PRUNE2: variants seen among roughly 807,000 people sequenced by gnomAD.
The protein encoded by PRUNE2 is prune homolog 2 with BCH domain, also known as protein prune homolog 2.
Under a neutral mutation model 252.0 loss-of-function variants are expected in PRUNE2, and 164 were observed. The observed-to-expected ratio is 0.65, with a 90% CI of 0.57 to 0.74. The LOEUF is 0.74. PRUNE2 is among the 30% of genes least tolerant of loss of function. PRUNE2 has a pLI of 0.00. For synonymous variants in PRUNE2, 1,292 were observed against 1,350.2 expected (o/e 0.96, Z 0.94); for missense variants, 3,495 against 3,711.0 (o/e 0.94, Z 1.51).
chr9:76,790,402 T>C (rs994725420), intron 6 of PRUNE2, among the ~76,000 whole-genome samples: 1 of 152,216 alleles, frequency 6.6e-6, no homozygotes, highest in Non-Finnish European at 1.5e-5. Flanking sequence ...GGAATTTTCA[T>C]GCCAGTAAAA....
At chr9:76,887,785 C>T (rs2062194665) in intron 1 of PRUNE2, among the ~76,000 whole-genome samples, 1 of 152,232 alleles carries the variant, frequency 6.6e-6, no homozygotes, top group African/African-American at 2.4e-5. Context: ...ACAGCTAACC[C>T]TCAGCAACTT....
chr9:76,806,674 ATT>A (rs750726403), intron 6 of PRUNE2, among the ~76,000 whole-genome samples: 12 of 134,760 alleles, frequency 8.9e-5, no homozygotes, highest in Non-Finnish European at 9.5e-5. Flanking sequence ...CGCCCGGCTA[ATT>A]TTTTTTTTTT....
intron 18 of PRUNE2, among the ~76,000 whole-genome samples, chr9:76,616,449 C>A (rs186430903): frequency 5.9e-5 from 9 of 152,234 alleles, no homozygotes; most frequent in Admixed American, 5.9e-4. Flanking sequence ...TGGGGCACAT[C>A]GTCTAAAAAC....
At chr9:76,657,014 T>C (rs1849506568) in intron 9 of PRUNE2, among the ~76,000 whole-genome samples, 1 of 152,214 alleles carries the variant, frequency 6.6e-6, no homozygotes, top group South Asian at 2.1e-4. Flanking sequence ...ACCACGTTAT[T>C]CAGCAACAAA....
At chr9:76,642,003 A>T in intron 12 of PRUNE2, 1 of 715,958 alleles carries the variant, frequency 1.4e-6, no homozygotes, top group Non-Finnish European at 1.9e-6. Context: ...AAGAGAAGTA[A>T]AAAAAAAAAA....
chr9:76,742,811 T>C (rs974715670), intron 6 of PRUNE2, among the ~76,000 whole-genome samples: 5 of 152,192 alleles, frequency 3.3e-5, no homozygotes, highest in Non-Finnish European at 7.3e-5. Context: ...TTTACTATTA[T>C]ACATCTAAGA....
chr9:76,658,368 C>A (rs77371501), intron 9 of PRUNE2, among the ~76,000 whole-genome samples: 1 of 152,060 alleles, frequency 6.6e-6, no homozygotes, highest in Admixed American at 6.5e-5. Flanking sequence ...CACTCCCCCC[C>A]AAAAAGAAGG....
chr9:76,683,264 C>T (rs939235994), intron 9 of PRUNE2, among the ~76,000 whole-genome samples: 1 of 152,140 alleles, frequency 6.6e-6, no homozygotes, highest in African/African-American at 2.4e-5. Flanking sequence ...TTTGTTGAAA[C>T]CTCTGGGAAA....
chr9:76,831,312 CA>C (rs2058665444), intron 4 of PRUNE2, among the ~76,000 whole-genome samples: 1 of 151,760 alleles, frequency 6.6e-6, no homozygotes, highest in African/African-American at 2.4e-5. Context: ...AGATCTACAC[CA>C]AAAGAAACAG....
chr9:76,846,826 C>T lies in PRUNE2; in HGVS notation c.345-148G>A, dbSNP rs138573228. On this transcript the variant is annotated intron_variant, in intron 3 of 18. Coordinates refer to ENST00000376718, the MANE Select transcript of PRUNE2 (RefSeq NM_015225.3). ...CTCACATGACTCAGAAGACGGGAGC[C>T]TTATTCTACGTATTTTCACATTTCA... 1.5e-3 allele frequency: 903 copies of T among 617,724 alleles called. 11 individuals are homozygous for T. Among genetic ancestry groups the T allele is most frequent in the African/African-American group, 0.014 (749 of 54,652 alleles). 38.3% of individuals were successfully genotyped at this position (617,724 alleles called of 1,614,324 possible). A position where few individuals can be genotyped will look rare whatever the true frequency, so the allele number is the denominator to read the frequency against.
chr9:76,711,239 C>T lies in PRUNE2; in HGVS notation c.1035G>A (p.Val345=), dbSNP rs984628356. The change falls in exon 8 of 19, where the codon GTG becomes GTA. Residue 345 remains valine (V), a synonymous_variant. Coordinates refer to ENST00000376718, the MANE Select transcript of PRUNE2 (RefSeq NM_015225.3). ...TGATGACTTCCTTGACAACGAGAAC[C>T]ACCTGATCACAAGTCACTGAAGGGT... ...QEDPSVTCDQ[V]VLVVKEVINR... 1 of 1,613,798 alleles carries T rather than the reference C, an allele frequency of 6.2e-7. No individual in the cohort carries two copies. Among genetic ancestry groups the T allele is most frequent in the African/African-American group, 1.3e-5 (1 of 74,908 alleles).
intron 15 of PRUNE2, among the ~76,000 whole-genome samples, 177 bp downstream of exon 15, chr9:76,636,294 T>C (rs1046926480): frequency 6.6e-6 from 1 of 152,218 alleles, no homozygotes; most frequent in African/African-American, 2.4e-5. Context: ...ATGACAGCAT[T>C]TTCTCTCTTA....
At chr9:76,860,796 C>T (rs2060505449) in intron 1 of PRUNE2, among the ~76,000 whole-genome samples, 1 of 152,108 alleles carries the variant, frequency 6.6e-6, no homozygotes, top group Non-Finnish European at 1.5e-5. Context: ...AGAAATAAAC[C>T]TCCTGAAACT....
intron 1 of PRUNE2, among the ~76,000 whole-genome samples, chr9:76,896,326 T>C (rs1384354854): frequency 2.0e-5 from 3 of 152,206 alleles, no homozygotes; most frequent in South Asian, 2.1e-4. Context: ...ATCTCGCAAA[T>C]AGCCTCAGAG....
intron 9 of PRUNE2, among the ~76,000 whole-genome samples, chr9:76,677,612 T>C (rs921449173): frequency 2.6e-5 from 4 of 152,250 alleles, no homozygotes; most frequent in African/African-American, 9.6e-5. Flanking sequence ...CTTTGGGTGA[T>C]ACCATCCCAT....
chr9:76,811,970 G>A (rs908822210), intron 6 of PRUNE2, among the ~76,000 whole-genome samples: 2 of 152,170 alleles, frequency 1.3e-5, no homozygotes, highest in African/African-American at 2.4e-5. Context: ...GTGGACATAC[G>A]GAAGAGGAAA....
intron 6 of PRUNE2, among the ~76,000 whole-genome samples, chr9:76,743,110 T>C (rs1222887845): frequency 1.3e-5 from 2 of 152,220 alleles, no homozygotes; most frequent in South Asian, 2.1e-4. Context: ...CCTGCTGCCA[T>C]GTGAAGAAGG....
At chr9:76,760,339 T>A (rs1170884082) in intron 6 of PRUNE2, among the ~76,000 whole-genome samples, 1 of 152,172 alleles carries the variant, frequency 6.6e-6, no homozygotes, top group Non-Finnish European at 1.5e-5. Context: ...CTATAGGATA[T>A]TATTTCTATC....
At chr9:76,697,539 C>T (rs1408812477) in intron 9 of PRUNE2, among the ~76,000 whole-genome samples, 1 of 152,162 alleles carries the variant, frequency 6.6e-6, no homozygotes, top group Non-Finnish European at 1.5e-5. Context: ...CAGTAGGTCA[C>T]AAGACAGTCT....
Sources: allele counts gnomAD v4.1 joint callset (sites outside exome capture counted in the v4.1 genomes callset), GRCh38; gene constraint gnomAD v4.1.1; transcripts MANE v1.5; gene names NCBI Gene and HGNC (gene_info 2026-07-23, HGNC 2026-07-21).